Variants in SDK1 observed in about 807,000 individuals in gnomAD.
SDK1 encodes the protein protein sidekick-1.
In SDK1, 157 loss-of-function variants were observed where a neutral mutation model predicts 245.5. The observed-to-expected ratio is 0.64, with a 90% CI of 0.56 to 0.73. The LOEUF is 0.73. Ranked by LOEUF, SDK1 falls within the 30% of genes least tolerant of loss-of-function variation. The pLI, the probability that SDK1 is intolerant of heterozygous loss-of-function variation, is 0.00. For missense variants in SDK1, 3,583 were observed against 3,002.3 expected, an observed-to-expected ratio of 1.19 and a Z score of -4.52; for synonymous variants, 1,647 against 1,278.5, an observed-to-expected ratio of 1.29 and a Z score of -6.15.
At chr7:3,573,155 G>T (rs1583181182) in intron 1 of SDK1, among the ~76,000 whole-genome samples, 1 of 152,030 alleles carries the variant, frequency 6.6e-6, no homozygotes, top group Non-Finnish European at 1.5e-5. Context: ...TTTTAAATGG[G>T]GTGCTTATCT....
intron 1 of SDK1, among the ~76,000 whole-genome samples, chr7:3,384,679 C>A (rs141884209): frequency 4.5e-4 from 69 of 152,320 alleles, no homozygotes; most frequent in African/African-American, 1.6e-3. Context: ...CTTGCCACAT[C>A]GCGAATTTCC....
In SDK1 at chr7:3,443,338, A is replaced by G. The variant is rs372445495; in HGVS notation, c.298+141454A>G. Among the ~76,000 whole-genome samples the G allele has an allele frequency of 1.3e-4, 20 of 152,340 alleles. No individual in the cohort carries two copies. The East Asian group carries it at 3.7e-3, about 28-fold the overall frequency. ...AATAAGGTAAAAATACTCAACAGAGATAATGGTAGCTTGCAAACCGTTTAT... is the reference window on the plus strand; with the variant it reads ...AATAAGGTAAAAATACTCAACAGAGGTAATGGTAGCTTGCAAACCGTTTAT... On this transcript the variant is annotated intron_variant, in intron 1 of 44. Transcript: ENST00000404826.
chr7:3,961,110 A>T (rs1409573103), intron 8 of SDK1, among the ~76,000 whole-genome samples: 1 of 152,244 alleles, frequency 6.6e-6, no homozygotes, highest in Non-Finnish European at 1.5e-5. Context: ...ACTTACAAAT[A>T]TAGAGACAAC....
intron 4 of SDK1, among the ~76,000 whole-genome samples, chr7:3,719,372 C>A (rs1366015985): frequency 2.6e-5 from 4 of 151,546 alleles, no homozygotes; most frequent in Non-Finnish European, 4.4e-5. Context: ...TAGGAGGAAT[C>A]ATTGTTTCCA....
rs539557673 is a variant in SDK1, at chr7:3,928,680, A to G, written c.848-22243A>G. On this transcript the variant is annotated intron_variant, in intron 5 of 44. Coordinates refer to ENST00000404826, the MANE Select transcript of SDK1 (RefSeq NM_152744.4). ...AATGGTAAGAATAACAATAGCAACA[A>G]TGATAGCAAAGGCAATAACCAACAT... Among the ~76,000 whole-genome samples, 14 of 152,278 alleles carry G rather than the reference A, an allele frequency of 9.2e-5. No homozygotes were observed. In the East Asian group the frequency reaches 2.1e-3, roughly 23 times the overall value.
chr7:3,943,212 T>C (rs1780434112), intron 5 of SDK1, among the ~76,000 whole-genome samples: 1 of 152,146 alleles, frequency 6.6e-6, no homozygotes, highest in Non-Finnish European at 1.5e-5. Context: ...GCTGTGTTTT[T>C]TAATGAGGTG....
chr7:3,402,516 A>G (rs1778916455), intron 1 of SDK1, among the ~76,000 whole-genome samples: 1 of 152,188 alleles, frequency 6.6e-6, no homozygotes, highest in African/African-American at 2.4e-5. Context: ...TTTGAATGTT[A>G]TCAAGCTGTG....
At chr7:3,672,795 A>ATATATATATATAT (rs55676850) in intron 4 of SDK1, among the ~76,000 whole-genome samples, 104 of 67,024 alleles carry the variant, frequency 1.6e-3, no homozygotes, top group Non-Finnish European at 2.4e-3. Context: ...ATATATATAT[A>ATATATATATATAT]AAAAATACAG....
chr7:4,026,453 G>A lies in SDK1; in HGVS notation c.2602+9101G>A, dbSNP rs990394972. Among the ~76,000 whole-genome samples the A allele has an allele frequency of 6.6e-6, 1 of 152,210 alleles. No individual in the cohort carries two copies. The highest frequency in any genetic ancestry group is 6.5e-5 in the Admixed American group (1 of 15,286). The stretch of plus-strand genomic sequence containing the variant: ...AACTGACTTCAGAGTCAGACGACTG[G>A]CTTCACGAGGGCCCGGTGTGCAGAC... On this transcript the variant is annotated intron_variant, in intron 17 of 44. Coordinates refer to ENST00000404826, the MANE Select transcript of SDK1 (RefSeq NM_152744.4). The surrounding 1 kb of genome is among the most constrained non-coding windows in gnomAD (Gnocchi z 4.1).
intron 5 of SDK1, among the ~76,000 whole-genome samples, chr7:3,919,598 C>T (rs746722139): frequency 7.9e-5 from 12 of 152,180 alleles, no homozygotes; most frequent in African/African-American, 9.7e-5. Flanking sequence ...AATCTTACCA[C>T]GTGTTTTGTG....
intron 1 of SDK1, among the ~76,000 whole-genome samples, chr7:3,589,858 A>G (rs1403328202): frequency 6.6e-6 from 1 of 152,190 alleles, no homozygotes; most frequent in Admixed American, 6.5e-5. Flanking sequence ...GACAGTTATA[A>G]TATTTGCATA....
chr7:3,872,028 T>G (rs1780968762), intron 5 of SDK1, among the ~76,000 whole-genome samples: 1 of 151,958 alleles, frequency 6.6e-6, no homozygotes, highest in African/African-American at 2.4e-5. Flanking sequence ...CTCAAATCTT[T>G]TCTTGCATCT....
intron 5 of SDK1, among the ~76,000 whole-genome samples, chr7:3,904,013 A>G (rs1261214042): frequency 1.3e-5 from 2 of 152,052 alleles, no homozygotes; most frequent in African/African-American, 4.8e-5. Flanking sequence ...CACCACATGC[A>G]GACGTCCAAT....
chr7:3,493,862 C>G (rs1348310407), intron 1 of SDK1, among the ~76,000 whole-genome samples: 1 of 152,194 alleles, frequency 6.6e-6, no homozygotes, highest in Non-Finnish European at 1.5e-5. Flanking sequence ...CACCAAAGTT[C>G]CACTACAAAT....
intron 1 of SDK1, among the ~76,000 whole-genome samples, chr7:3,463,443 T>C (rs1204707724): frequency 2.0e-5 from 3 of 152,136 alleles, no homozygotes; most frequent in African/African-American, 7.2e-5. Flanking sequence ...TTGGACAAGC[T>C]TTTATAGAGG....
chr7:3,779,428 T>C (rs1273640300), intron 4 of SDK1, among the ~76,000 whole-genome samples: 1 of 151,554 alleles, frequency 6.6e-6, no homozygotes, highest in Non-Finnish European at 1.5e-5. Context: ...GTTTGTGAAG[T>C]GGTGTGGCAA....
chr7:3,463,017 C>G (rs1780881346), intron 1 of SDK1, among the ~76,000 whole-genome samples: 2 of 152,170 alleles, frequency 1.3e-5, no homozygotes, highest in African/African-American at 4.8e-5. Context: ...CCTTCCTTTC[C>G]TCTGAGAGGT....
intron 5 of SDK1, among the ~76,000 whole-genome samples, chr7:3,901,239 T>G (rs1263105429): frequency 6.6e-6 from 1 of 151,898 alleles, no homozygotes; most frequent in African/African-American, 2.4e-5. Context: ...CAAGCTGGAG[T>G]GTGGTGGCAC....
At chr7:3,387,923 C>G (rs1019208241) in intron 1 of SDK1, among the ~76,000 whole-genome samples, 6 of 152,178 alleles carry the variant, frequency 3.9e-5, no homozygotes, top group African/African-American at 1.4e-4. Flanking sequence ...GAAAAATGTG[C>G]TACATAGAAG....
Sources: gnomAD v4.1 joint callset for allele counts (sites outside exome capture counted in the v4.1 genomes callset) on GRCh38, gnomAD v4.1.1 for gene constraint, Gnocchi (gnomAD v3.1) non-coding constraint, MANE v1.5 for transcripts, NCBI Gene and HGNC (gene_info 2026-07-23, HGNC 2026-07-21) for gene names.